ADGRG4: variants seen among roughly 807,000 people sequenced by gnomAD.
ADGRG4 encodes G protein-coupled receptor 112.
ADGRG4 carries 122 observed loss-of-function variants against 126.2 expected under a neutral mutation model. The observed-to-expected ratio is 0.97, with a 90% confidence interval of 0.83 to 1.12. ADGRG4 has a LOEUF of 1.12. Among genes scored for constraint, ADGRG4 ranks in the 50% most tolerant of loss-of-function variants. The pLI is 0.00. For synonymous variants in ADGRG4, 943 were observed against 838.7 expected, an observed-to-expected ratio of 1.12 and a Z score of -2.15; for missense variants, 2,481 against 2,251.8, an observed-to-expected ratio of 1.10 and a Z score of -2.06.
chrX:136,382,031 C>A (rs923089008), intron 15 of ADGRG4, among the ~76,000 whole-genome samples: 4 of 111,555 alleles, frequency 3.6e-5, no homozygotes, highest in African/African-American at 1.3e-4. Context: ...TTTGGCAACA[C>A]CCCCACAGAC....
chrX:136,412,450 T>C, intron 24 of ADGRG4, 84 bp downstream of exon 24: 1 of 591,443 alleles, frequency 1.7e-6, no homozygotes, highest in South Asian at 2.7e-5. Context: ...ACTTGAGTAC[T>C]TACAGCATAT....
At chrX:136,314,489 G>A (rs889101812) in intron 4 of ADGRG4, among the ~76,000 whole-genome samples, 2 of 111,274 alleles carry the variant, frequency 1.8e-5, no homozygotes, top group Non-Finnish European at 3.8e-5. Context: ...GCCTTTGCAC[G>A]TACTGTTACC....
chrX:136,308,623 G>A, intron 3 of ADGRG4, 146 bp from the exon 4 acceptor site: 1 of 484,974 alleles, frequency 2.1e-6, no homozygotes, highest in Non-Finnish European at 3.6e-6. Flanking sequence ...TCTGGTAAAT[G>A]CCTATCATGT....
chrX:136,319,697 TTCTATCTATCTATCTATCTATCTATCTA>T (rs59139457), intron 4 of ADGRG4, among the ~76,000 whole-genome samples: 3 of 95,085 alleles, frequency 3.2e-5, no homozygotes, highest in Non-Finnish European at 6.3e-5. Context: ...GCCACAGTGA[TTCTATCTATCTATCTATCTATCTATCTA>T]TCTATCTATC....
At position 136,345,782 on chromosome X, in the gene ADGRG4, T is replaced by C. The variant is rs757472256; in HGVS notation, c.2076T>C (p.Tyr692=). The C allele has an allele frequency of 1.4e-5, 17 of 1,208,356 alleles. No individual in the cohort carries two copies. The South Asian group carries it at 1.9e-4, about 14-fold the overall frequency. ...FTSAFHENTT[Y]TEYLSATTNI... Reference sequence around the variant, plus strand: ...CAGCATTTCATGAGAATACTACTTATACAGAATATTTATCCGCAACTACCA... The same window carrying C: ...CAGCATTTCATGAGAATACTACTTACACAGAATATTTATCCGCAACTACCA... Residue 692 remains tyrosine (Y), a synonymous_variant, in exon 6 of 26, where the codon TAT becomes TAC. Transcript: ENST00000394143.
chrX:136,376,063 C>T (rs1024193149), intron 15 of ADGRG4, among the ~76,000 whole-genome samples: 13 of 111,533 alleles, frequency 1.2e-4, no homozygotes, highest in East Asian at 5.6e-4. Flanking sequence ...ATCCATCTTG[C>T]GTTAATTTTT....
At position 136,347,855 on chromosome X, in the gene ADGRG4, G is replaced by T. The variant is rs56773324; in HGVS notation, c.4149G>T (p.Thr1383=). The T allele has an allele frequency of 3.6e-4, 431 of 1,207,646 alleles. No individual in the cohort carries two copies. In the East Asian group the frequency reaches 8.9e-3, roughly 25 times the overall value. The change falls in exon 6 of 26, where the codon ACG becomes ACT. Residue 1383 remains threonine, a synonymous_variant. Transcript: ENST00000394143. ...TTFLCPEKES[T]SALPAYTPRT... ...TTTTGTGTCCTGAAAAGGAAAGCAC[G>T]AGTGCCCTTCCAGCATATACTCCCA...
rs1241213483 is a variant in ADGRG4 at position 136,348,414 on chromosome X, T to C, written c.4708T>C (p.Ser1570Pro). 4 of 1,207,258 alleles carry C rather than the reference T, an allele frequency of 3.3e-6. No homozygotes were observed. The highest frequency in any genetic ancestry group is 4.5e-6 in the Non-Finnish European group (4 of 892,894). The change falls in exon 6 of 26, where the codon TCT (serine) becomes CCT (proline). Residue 1570 changes from serine (S) to proline (P), a missense_variant. Ser to Pro is a moderately conservative substitution (Grantham distance 74). Transcript: ENST00000394143. ...SEMSSIPVNN[S>P]AFTPATVSSD... ...GATGTCCTCAATACCAGTTAATAAC[T>C]CTGCTTTCACACCTGCAACAGTCTC...
At position 136,345,398 on chromosome X, in the gene ADGRG4, A is replaced by T. The variant is rs747264451; in HGVS notation, c.1692A>T (p.Ser564=). 43 of 1,207,944 alleles carry T rather than the reference A, an allele frequency of 3.6e-5. No individual in the cohort carries two copies. In the South Asian group the frequency reaches 5.5e-4, roughly 15 times the overall value. Residue 564 remains serine, a synonymous_variant, in exon 6 of 26, where the codon TCA becomes TCT. Coordinates refer to ENST00000394143, the MANE Select transcript of ADGRG4 (RefSeq NM_153834.4). Reference sequence around the variant, plus strand: ...CCTTTTCTTTCTTAACATCCTTTTCATTTACTGGGACTGAGAGTGTACAGA... The same window carrying T: ...CCTTTTCTTTCTTAACATCCTTTTCTTTTACTGGGACTGAGAGTGTACAGA... ...SKTFSFLTSF[S]FTGTESVQTV...
chrX:136,409,081 A>G (rs1229220993), intron 23 of ADGRG4, among the ~76,000 whole-genome samples: 1 of 110,397 alleles, frequency 9.1e-6, no homozygotes, highest in Non-Finnish European at 1.9e-5. Flanking sequence ...ACACACACAC[A>G]CACACACAAC....
chrX:136,323,107 G>T lies in ADGRG4; in HGVS notation c.400G>T (p.Glu134Ter). The T allele has an allele frequency of 8.3e-7, 1 of 1,211,430 alleles. No individual in the cohort carries two copies. Among genetic ancestry groups the T allele is most frequent in the Non-Finnish European group, 1.1e-6 (1 of 895,313 alleles). ...LIWDGVKGKL[E>*]LFLNKERILE... Reference sequence around the variant, plus strand: ...ATGGGATGGTGTGAAGGGCAAATTAGAACTCTTCCTGAATAAAGAAAGGAT... The same window carrying T: ...ATGGGATGGTGTGAAGGGCAAATTATAACTCTTCCTGAATAAAGAAAGGAT... The change falls in exon 5 of 26, where the codon GAA becomes TAA. Residue 134 changes from glutamate (E) to a stop codon, truncating the protein, a stop_gained. Transcript: ENST00000394143. LOFTEE classifies it high-confidence loss of function.
chrX:136,374,954 A>G (rs932359319), intron 15 of ADGRG4, among the ~76,000 whole-genome samples: 1 of 109,853 alleles, frequency 9.1e-6, no homozygotes, highest in Non-Finnish European at 1.9e-5. Context: ...TTTAGTAGTG[A>G]TTTCTGAGAT....
At chrX:136,382,246 C>A (rs1044382794) in intron 15 of ADGRG4, among the ~76,000 whole-genome samples, 2 of 111,476 alleles carry the variant, frequency 1.8e-5, no homozygotes, top group African/African-American at 6.5e-5. Flanking sequence ...CACAAATCCC[C>A]AACACAAATA....
intron 21 of ADGRG4, among the ~76,000 whole-genome samples, chrX:136,402,876 G>A (rs1196857077): frequency 8.9e-6 from 1 of 111,777 alleles, no homozygotes; most frequent in Non-Finnish European, 1.9e-5. Context: ...GGGAACAAAG[G>A]GGCGATGTGA....
Position 136,371,239 on chromosome X carries a change from C to T in ADGRG4, c.7397-89C>T, listed in dbSNP as rs745686008. On this transcript the variant is annotated intron_variant, in intron 13 of 25. Coordinates refer to ENST00000394143, the MANE Select transcript of ADGRG4 (RefSeq NM_153834.4). Reference sequence around the variant, plus strand: ...TACCTTGGTAGGTGTTCTCATCTCACCCTCTTTACTCTTTAAAGGGAAAGA... The same window carrying T: ...TACCTTGGTAGGTGTTCTCATCTCATCCTCTTTACTCTTTAAAGGGAAAGA... The T allele has an allele frequency of 5.8e-5, 33 of 569,884 alleles. No homozygotes were observed. In the South Asian group the frequency reaches 1.3e-3, roughly 23 times the overall value. The allele number at this position is 569,884 out of a possible 1,213,427, so 47.0% of individuals were successfully genotyped here.
chrX:136,326,456 A>G (rs979193), intron 5 of ADGRG4, among the ~76,000 whole-genome samples: 4,177 of 112,032 alleles, frequency 0.037, 192 homozygotes, highest in African/African-American at 0.13. Flanking sequence ...CTGGGGTTTG[A>G]ACAGATTGGT....
intron 1 of ADGRG4, among the ~76,000 whole-genome samples, chrX:136,303,766 G>A (rs1375196357): frequency 9.0e-6 from 1 of 111,149 alleles, no homozygotes; most frequent in African/African-American, 3.3e-5. Flanking sequence ...TGTTTCTATG[G>A]TTGAGCCCCA....
chrX:136,342,537 T>C (rs1342137242), intron 5 of ADGRG4, among the ~76,000 whole-genome samples: 1 of 110,802 alleles, frequency 9.0e-6, no homozygotes, highest in African/African-American at 3.3e-5. Flanking sequence ...CTAAAATAGA[T>C]TGGTGTGAGC....
intron 5 of ADGRG4, among the ~76,000 whole-genome samples, chrX:136,335,776 G>T (rs981596677): frequency 3.6e-5 from 4 of 111,346 alleles, no homozygotes; most frequent in Non-Finnish European, 7.6e-5. Context: ...TATCAGTCTT[G>T]CTATAGGTTT....
Sources: gnomAD v4.1 joint callset for allele counts (sites outside exome capture counted in the v4.1 genomes callset) on GRCh38, gnomAD v4.1.1 for gene constraint, MANE v1.5 for transcripts, NCBI Gene and HGNC (gene_info 2026-07-23, HGNC 2026-07-21) for gene names.